The following PEX13 variants were observed in gnomAD, a reference collection of about 807,000 sequenced individuals.
The protein encoded by PEX13 is peroxisomal biogenesis factor 13.
PEX13 carries 28 observed loss-of-function variants against 34.5 expected under a neutral mutation model. The ratio of observed to expected loss-of-function variants is 0.81; its 90% CI spans 0.60 to 1.11. PEX13 has a LOEUF of 1.11. Ranked by LOEUF, PEX13 falls within the 50% of genes most tolerant of loss-of-function variation. PEX13 has a pLI of 0.00. For synonymous variants in PEX13, 177 were observed against 175.1 expected (o/e 1.01, Z -0.09); for missense variants, 550 against 491.0 (o/e 1.12, Z -1.13).
chr2:61,047,782 T>TA (rs1559046552), intron 3 of PEX13, among the ~76,000 whole-genome samples: 1 of 152,224 alleles, frequency 6.6e-6, no homozygotes, highest in Non-Finnish European at 1.5e-5. Flanking sequence ...AAAAGTCTTA[T>TA]ATTGTGCCTA....
chr2:61,035,465 A>G (rs1343449332), intron 2 of PEX13, among the ~76,000 whole-genome samples: 1 of 152,186 alleles, frequency 6.6e-6, no homozygotes. Context: ...CTGGATGGAG[A>G]ATGAGTTTGA....
At chr2:61,040,287 G>A (rs566032515) in intron 2 of PEX13, among the ~76,000 whole-genome samples, 88 of 152,240 alleles carry the variant, frequency 5.8e-4, no homozygotes, top group Admixed American at 2.3e-3. Flanking sequence ...ACATGCACAC[G>A]TATGTTTATT....
At chr2:61,022,551 A>AT (rs1204539021) in intron 1 of PEX13, among the ~76,000 whole-genome samples, 1 of 152,158 alleles carries the variant, frequency 6.6e-6, no homozygotes, top group African/African-American at 2.4e-5. Flanking sequence ...ATTAGTCTTG[A>AT]TTTTTTTCTG....
At chr2:61,024,748 G>C (rs1203151399) in intron 1 of PEX13, among the ~76,000 whole-genome samples, 1 of 152,134 alleles carries the variant, frequency 6.6e-6, no homozygotes, top group South Asian at 2.1e-4. Flanking sequence ...GGCTGAGCTT[G>C]CAGTGAGCCG....
Position 61,048,627 on chromosome 2 carries a change from A to C in PEX13, c.1069A>C (p.Asn357His). 6.2e-7 allele frequency: 1 copy of C among 1,614,150 alleles called. No individual in the cohort carries two copies. ...KVSKQQQSFT[N>H]PTLTKGATVA... is the part of the protein sequence containing the mutation. ...TTCCAAGCAGCAACAATCTTTTACC[A>C]ACCCAACACTAACTAAAGGAGCCAC... Residue 357 changes from asparagine to histidine, a missense_variant, in exon 4 of 4, where the codon AAC becomes CAC. Coordinates refer to ENST00000295030, the MANE Select transcript of PEX13 (RefSeq NM_002618.4).
intron 2 of PEX13, among the ~76,000 whole-genome samples, chr2:61,038,589 A>G (rs1419601793): frequency 6.6e-6 from 1 of 152,236 alleles, no homozygotes; most frequent in Non-Finnish European, 1.5e-5. Flanking sequence ...TAAACTAGGT[A>G]TTGATGGAAT....
chr2:61,031,492 C>T lies in PEX13; in HGVS notation c.166C>T (p.Leu56Phe), dbSNP rs1292485549. The part of the protein sequence containing the change: ...PALTRVPPPI[L>F]PRPSQQTGSS... ...ACTTACCAGAGTGCCCCCACCTATT[C>T]TTCCAAGGCCATCACAGCAGACAGG... Residue 56 changes from leucine (L) to phenylalanine (F), a missense_variant, in exon 2 of 4, where the codon CTT becomes TTT. Physicochemically the swap from Leu to Phe is conservative, Grantham distance 22. Coordinates refer to ENST00000295030, the MANE Select transcript of PEX13 (RefSeq NM_002618.4). The T allele has an allele frequency of 1.2e-6, 2 of 1,614,072 alleles. No individual in the cohort carries two copies. The highest frequency in any genetic ancestry group is 2.7e-5 in the African/African-American group (2 of 74,930).
intron 2 of PEX13, among the ~76,000 whole-genome samples, chr2:61,035,822 A>G (rs1173600083): frequency 6.6e-6 from 1 of 152,082 alleles, no homozygotes; most frequent in African/African-American, 2.4e-5. Context: ...CATCTCTACT[A>G]AAAATACAAA....
At chr2:61,020,560 T>A (rs758783313) in intron 1 of PEX13, among the ~76,000 whole-genome samples, 5 of 152,230 alleles carry the variant, frequency 3.3e-5, no homozygotes, top group Non-Finnish European at 7.3e-5. Flanking sequence ...GAAGTTTTAC[T>A]GTTAAATGTG....
At chr2:61,032,304 A>G (rs1190915248) in intron 2 of PEX13, among the ~76,000 whole-genome samples, 191 bp downstream of exon 2, 1 of 152,234 alleles carries the variant, frequency 6.6e-6, no homozygotes, top group Non-Finnish European at 1.5e-5. Flanking sequence ...GTTCAGTTTA[A>G]TAGTGCACAT....
chr2:61,035,905 C>A (rs1352709110), intron 2 of PEX13, among the ~76,000 whole-genome samples: 2 of 151,558 alleles, frequency 1.3e-5, no homozygotes, highest in Non-Finnish European at 2.9e-5. Context: ...ATTGCTTGAA[C>A]CCAGGAGGCG....
chr2:61,046,039 A>T (rs1680700066), intron 3 of PEX13, among the ~76,000 whole-genome samples, 188 bp downstream of exon 3: 1 of 152,232 alleles, frequency 6.6e-6, no homozygotes, highest in Non-Finnish European at 1.5e-5. Context: ...CAGCAGAGTT[A>T]TTCGAATACT....
rs71402320 is a variant in PEX13, at chr2:61,026,344, CTTTTTTTTTT to C, written c.93-5066_93-5057del. Reference sequence around the variant, plus strand: ...TGGCTGTGGCCACCTTTTCTTTTTTCTTTTTTTTTTTTTTTTTTGAGACGGAGTCTCACTC... The same window carrying C: ...TGGCTGTGGCCACCTTTTCTTTTTTCTTTTTTTTGAGACGGAGTCTCACTC... On this transcript the variant is annotated intron_variant, in intron 1 of 3. Coordinates refer to ENST00000295030, the MANE Select transcript of PEX13 (RefSeq NM_002618.4). 4.1e-5 allele frequency among the ~76,000 whole-genome samples: 5 copies of C among 121,236 alleles called. No individual in the cohort carries two copies. In the East Asian group the frequency reaches 1.2e-3, roughly 28 times the overall value. The allele number at this position is 121,236 out of a possible 152,430, so 79.5% of individuals were successfully genotyped here. A position where few individuals can be genotyped will look rare whatever the true frequency, so the allele number is the denominator to read the frequency against.
intron 2 of PEX13, among the ~76,000 whole-genome samples, chr2:61,035,983 TAA>T (rs1200600005): frequency 1.6e-4 from 16 of 98,302 alleles, no homozygotes; most frequent in African/African-American, 1.5e-4. Context: ...AACTCCATCT[TAA>T]AAAAAAAAAA....
At chr2:61,029,376 C>T (rs536591987) in intron 1 of PEX13, among the ~76,000 whole-genome samples, 27 of 152,234 alleles carry the variant, frequency 1.8e-4, no homozygotes, top group East Asian at 3.9e-4. Flanking sequence ...TGGAAATCCT[C>T]ATACATTGGC....
rs2104814825 is a variant in PEX13 at position 61,048,805 on chromosome 2, T to G, written c.*35T>G. Reference sequence around the variant, plus strand: ...TGTTTGCCTGCAGTTGAACAATACTTTAGAGTACTTTTTAAAATTATTTCT... The same window carrying G: ...TGTTTGCCTGCAGTTGAACAATACTGTAGAGTACTTTTTAAAATTATTTCT... On this transcript the variant is annotated 3_prime_UTR_variant, in exon 4 of 4. Coordinates refer to ENST00000295030, the MANE Select transcript of PEX13 (RefSeq NM_002618.4). The G allele has an allele frequency of 2.7e-6, 4 of 1,494,326 alleles. No homozygotes were observed. Among genetic ancestry groups the G allele is most frequent in the Non-Finnish European group, 2.8e-6 (3 of 1,072,480 alleles). The allele number at this position is 1,494,326 out of a possible 1,614,324, so 92.6% of individuals were successfully genotyped here.
At chr2:61,039,941 A>G (rs1680595060) in intron 2 of PEX13, among the ~76,000 whole-genome samples, 1 of 152,240 alleles carries the variant, frequency 6.6e-6, no homozygotes, top group African/African-American at 2.4e-5. Flanking sequence ...ATATGAACAG[A>G]TACTTCTCAA....
At chr2:61,036,004 A>T (rs1019664182) in intron 2 of PEX13, among the ~76,000 whole-genome samples, 1 of 151,686 alleles carries the variant, frequency 6.6e-6, no homozygotes, top group Non-Finnish European at 1.5e-5. Context: ...AAAAAAGCCG[A>T]TTCAATCAAG....
intron 1 of PEX13, among the ~76,000 whole-genome samples, chr2:61,024,716 G>A (rs147792300): frequency 2.6e-5 from 4 of 152,276 alleles, no homozygotes; most frequent in African/African-American, 7.2e-5. Flanking sequence ...GGCTGAGGCC[G>A]GAGAATGGTA....
Sources: gnomAD v4.1 joint callset for allele counts (sites outside exome capture counted in the v4.1 genomes callset) on GRCh38, gnomAD v4.1.1 for gene constraint, MANE v1.5 for transcripts, NCBI Gene and HGNC (gene_info 2026-07-23, HGNC 2026-07-21) for gene names.